Variants in RNF220 observed in about 807,000 individuals in gnomAD.
The protein encoded by RNF220 is E3 ubiquitin-protein ligase RNF220.
Under a neutral mutation model 67.1 loss-of-function variants are expected in RNF220, and 7 were observed. That is an observed-to-expected ratio of 0.10 (90% CI 0.06 to 0.20). The LOEUF is 0.20. Ranked by LOEUF, RNF220 falls within the 10% of genes least tolerant of loss-of-function variation. The probability of loss-of-function intolerance (pLI) is 1.00; values close to 1 mark genes in which losing one functional copy is unlikely to be tolerated. For missense variants in RNF220, 565 were observed against 740.3 expected, an observed-to-expected ratio of 0.76 and a Z score of 2.75; for synonymous variants, 270 against 283.2, an observed-to-expected ratio of 0.95 and a Z score of 0.47.
intron 2 of RNF220, among the ~76,000 whole-genome samples, chr1:44,546,828 C>A (rs959281974): frequency 6.6e-6 from 1 of 152,220 alleles, no homozygotes; most frequent in African/African-American, 2.4e-5. Flanking sequence ...ATCCACTCTC[C>A]TCTCCAGCCC....
At chr1:44,473,905 T>G (rs970302356) in intron 2 of RNF220, among the ~76,000 whole-genome samples, 2 of 152,168 alleles carry the variant, frequency 1.3e-5, no homozygotes, top group Non-Finnish European at 1.5e-5. Flanking sequence ...ATGCGTTATC[T>G]TGTGTGCTTA....
chr1:44,477,378 A>G (rs753126812), intron 2 of RNF220, among the ~76,000 whole-genome samples: 3 of 152,224 alleles, frequency 2.0e-5, no homozygotes, highest in Non-Finnish European at 4.4e-5. Flanking sequence ...ATCTAGAATA[A>G]TAGGGTGATC....
intron 2 of RNF220, among the ~76,000 whole-genome samples, chr1:44,585,721 T>C (rs532444064): frequency 1.3e-5 from 2 of 152,294 alleles, no homozygotes; most frequent in African/African-American, 4.8e-5. Context: ...CCTAGGTTCA[T>C]ACCTTGGCTC....
In RNF220 at chr1:44,651,000, GGGGCCATA is replaced by G; in HGVS notation, c.*226_*233del. The G allele has an allele frequency of 1.8e-6, 1 of 567,756 alleles. No homozygotes were observed. Among genetic ancestry groups the G allele is most frequent in the East Asian group, 3.1e-5 (1 of 31,798 alleles). The allele number at this position is 567,756 out of a possible 1,614,324, so 35.2% of individuals were successfully genotyped here. Reference sequence around the variant, plus strand: ...CCTGCTGGCTCCCACCTATGGTTTGGGGGCCATACCTGTTCCAGCTCTGTTCCCAGGGT... The same window carrying G: ...CCTGCTGGCTCCCACCTATGGTTTGGCCTGTTCCAGCTCTGTTCCCAGGGT... On this transcript the variant is annotated 3_prime_UTR_variant, in exon 15 of 15. Coordinates refer to ENST00000361799, the MANE Select transcript of RNF220 (RefSeq NM_018150.4). This position sits in a 1 kb window ranked among gnomAD's most constrained non-coding sequence, Gnocchi z 4.3.
intron 2 of RNF220, among the ~76,000 whole-genome samples, chr1:44,486,443 A>T (rs992092701): frequency 2.0e-5 from 3 of 152,096 alleles, no homozygotes; most frequent in African/African-American, 7.3e-5. Flanking sequence ...TTTAAAATTT[A>T]AAATGAATTT....
chr1:44,492,584 T>G (rs2148056452), intron 2 of RNF220, among the ~76,000 whole-genome samples: 1 of 152,312 alleles, frequency 6.6e-6, no homozygotes, highest in Middle Eastern at 3.4e-3. Context: ...TTTTTAGCCA[T>G]AAAAGGAATA....
intron 2 of RNF220, among the ~76,000 whole-genome samples, chr1:44,488,458 G>A (rs1557974431): frequency 6.6e-6 from 1 of 151,974 alleles, no homozygotes; most frequent in Non-Finnish European, 1.5e-5. Context: ...ATTCTCAGTA[G>A]AGACAGGGTT....
intron 6 of RNF220, among the ~76,000 whole-genome samples, chr1:44,633,971 G>A (rs1644247989): frequency 6.6e-6 from 1 of 152,286 alleles, no homozygotes; most frequent in South Asian, 2.1e-4. Context: ...CTAGGACACA[G>A]TCATGTCACC....
intron 2 of RNF220, among the ~76,000 whole-genome samples, chr1:44,567,055 GA>G (rs1183050741): frequency 6.6e-6 from 1 of 152,172 alleles, no homozygotes; most frequent in Non-Finnish European, 1.5e-5. Flanking sequence ...AATGGATGGA[GA>G]ATCACTCCTT....
At chr1:44,579,414 A>T (rs1665073341) in intron 2 of RNF220, among the ~76,000 whole-genome samples, 1 of 152,120 alleles carries the variant, frequency 6.6e-6, no homozygotes, top group Admixed American at 6.5e-5. Flanking sequence ...GCTGCATCTT[A>T]ATCTCTCCCT....
rs376749174 is a variant in RNF220, at chr1:44,407,575, G to T, written c.-118+2045G>T. On this transcript the variant is annotated intron_variant, in intron 1 of 14. Transcript: ENST00000361799. The stretch of plus-strand genomic sequence containing the variant: ...GGAAGGCCGAGGACGGGGCGGCGCC[G>T]CGTCGCGCCGCTGGTGGCCGACAGG... 3.3e-4 allele frequency among the ~76,000 whole-genome samples: 50 copies of T among 152,220 alleles called. 1 individual carries two copies. In the South Asian group the frequency reaches 9.9e-3, roughly 30 times the overall value.
At chr1:44,404,871 C>G (rs1647217541), upstream of RNF220, among the ~76,000 whole-genome samples, 1 of 152,084 alleles carries the variant, frequency 6.6e-6, no homozygotes, top group Non-Finnish European at 1.5e-5. Flanking sequence ...ATTTGGGGGT[C>G]ATTTAAGCAG....
intron 2 of RNF220, among the ~76,000 whole-genome samples, chr1:44,474,236 C>T (rs1009667945): frequency 5.9e-5 from 9 of 151,610 alleles, no homozygotes; most frequent in Non-Finnish European, 1.2e-4. Context: ...TTAGCTGGGC[C>T]TAGTGGTGTG....
At position 44,459,261 on chromosome 1, in the gene RNF220, G is replaced by A. The variant is rs545446753; in HGVS notation, c.625+46539G>A. Among the ~76,000 whole-genome samples, 4 of 152,092 alleles carry A rather than the reference G, an allele frequency of 2.6e-5. No homozygotes were observed. In the South Asian group the frequency reaches 6.2e-4, roughly 24 times the overall value. Reference sequence around the variant, plus strand: ...TTTGCTTTTTGGATGCCCTAAGAATGTGTTTATCTATTGAGTAATCCAGCA... The same window carrying A: ...TTTGCTTTTTGGATGCCCTAAGAATATGTTTATCTATTGAGTAATCCAGCA... On this transcript the variant is annotated intron_variant, in intron 2 of 14. Coordinates refer to ENST00000361799, the MANE Select transcript of RNF220 (RefSeq NM_018150.4).
At chr1:44,527,369 A>AAAGG (rs111376771) in intron 2 of RNF220, among the ~76,000 whole-genome samples, 8 of 152,062 alleles carry the variant, frequency 5.3e-5, no homozygotes, top group East Asian at 1.9e-4. Context: ...AGGAAGGAGG[A>AAAGG]AAGGAAGGAA....
intron 2 of RNF220, among the ~76,000 whole-genome samples, chr1:44,480,614 A>T (rs1655711268): frequency 6.6e-6 from 1 of 152,154 alleles, no homozygotes; most frequent in Non-Finnish European, 1.5e-5. Flanking sequence ...TTTAAAAGAG[A>T]AAATGGGCCG....
At chr1:44,434,442 C>A in intron 2 of RNF220, among the ~76,000 whole-genome samples, 1 of 152,136 alleles carries the variant, frequency 6.6e-6, no homozygotes, top group South Asian at 2.1e-4. Flanking sequence ...GGCGCGGTGG[C>A]TCACCCCTGT....
At chr1:44,490,105 G>C (rs1656716988) in intron 2 of RNF220, among the ~76,000 whole-genome samples, 1 of 152,120 alleles carries the variant, frequency 6.6e-6, no homozygotes, top group African/African-American at 2.4e-5. Flanking sequence ...GACCAGTTGA[G>C]TAGCAAAATA....
At chr1:44,436,394 G>A (rs1023734696) in intron 2 of RNF220, among the ~76,000 whole-genome samples, 2 of 133,860 alleles carry the variant, frequency 1.5e-5, no homozygotes, top group African/African-American at 5.6e-5. Flanking sequence ...TCGAGATCGT[G>A]TGTGTGCTCA....
Sources: allele counts gnomAD v4.1 joint callset (sites outside exome capture counted in the v4.1 genomes callset), GRCh38; gene constraint gnomAD v4.1.1; non-coding constraint Gnocchi (gnomAD v3.1); transcripts MANE v1.5; gene names NCBI Gene and HGNC (gene_info 2026-07-23, HGNC 2026-07-21).